MAGI1: variants seen among roughly 807,000 people sequenced by gnomAD.
The protein encoded by MAGI1 is membrane-associated guanylate kinase, WW and PDZ domain-containing protein 1.
MAGI1 carries 58 observed loss-of-function variants against 139.9 expected under a neutral mutation model. The observed-to-expected ratio is 0.41, with a 90% CI of 0.34 to 0.52. MAGI1 has a LOEUF of 0.52. Among genes scored for constraint, MAGI1 ranks in the 20% least tolerant of loss-of-function variants. The pLI is 0.12. For missense variants in MAGI1, 1,874 were observed against 1,901.6 expected, an observed-to-expected ratio of 0.99 and a Z score of 0.27; for synonymous variants, 812 against 737.9, an observed-to-expected ratio of 1.10 and a Z score of -1.63.
intron 2 of MAGI1, among the ~76,000 whole-genome samples, chr3:65,562,583 G>A (rs146806469): frequency 2.0e-5 from 3 of 152,118 alleles, no homozygotes; most frequent in East Asian, 1.9e-4. Flanking sequence ...TGAACTTTTC[G>A]GCTAAAGCAA....
chr3:65,676,421 A>G (rs2087193218), intron 1 of MAGI1, among the ~76,000 whole-genome samples: 2 of 152,356 alleles, frequency 1.3e-5, no homozygotes, highest in East Asian at 1.9e-4. Flanking sequence ...ATTGGAGCAG[A>G]GGCTTTTGGT....
rs377199908 is a variant in MAGI1, at chr3:65,401,469, C to A, written c.2169G>T (p.Gly723=). 1.6e-5 allele frequency: 25 copies of A among 1,611,334 alleles called. No individual in the cohort carries two copies. The South Asian group carries it at 2.0e-4, about 13-fold the overall frequency. The part of the protein sequence containing the change: ...SEVTLLVQRG[G]LPVPKKSPKS... ...TTGGGCTCTTCTTGGGAACTGGCAG[C>A]CCTGGAAAAAATGCAACAAGGAGGG... Residue 723 remains glycine (G), a splice_region_variant and synonymous_variant, in exon 13 of 23, where the codon GGG becomes GGT. Transcript: ENST00000402939.
chr3:65,799,020 G>C (rs993372456), intron 1 of MAGI1, among the ~76,000 whole-genome samples: 2 of 152,132 alleles, frequency 1.3e-5, no homozygotes, highest in African/African-American at 4.8e-5. Context: ...ACCCGAGAGT[G>C]CAAGACTAGT....
At chr3:65,969,292 G>A (rs1489733858) in intron 1 of MAGI1, among the ~76,000 whole-genome samples, 3 of 152,138 alleles carry the variant, frequency 2.0e-5, no homozygotes, top group African/African-American at 4.8e-5. Context: ...CACCGGGAGC[G>A]GAGTTATTTC....
intron 1 of MAGI1, among the ~76,000 whole-genome samples, chr3:65,965,561 G>A (rs929705705): frequency 5.3e-5 from 8 of 152,060 alleles, no homozygotes; most frequent in Non-Finnish European, 1.2e-4. Flanking sequence ...GTAATCTCAA[G>A]AACTGAGAAA....
chr3:65,901,944 C>A (rs2061250794), intron 1 of MAGI1, among the ~76,000 whole-genome samples: 1 of 152,076 alleles, frequency 6.6e-6, no homozygotes, highest in Non-Finnish European at 1.5e-5. Context: ...ACATCATTTT[C>A]ACTACACAAA....
chr3:65,469,899 TTAATA>T (rs1950445296), intron 5 of MAGI1: 1 of 139,968 alleles, frequency 7.1e-6, no homozygotes, highest in Non-Finnish European at 1.5e-5. Flanking sequence ...ATATTTATTT[TTAATA>T]TATTTATTTT....
chr3:65,438,249 C>G (rs771782491), intron 9 of MAGI1, among the ~76,000 whole-genome samples: 6 of 152,090 alleles, frequency 3.9e-5, no homozygotes, highest in Non-Finnish European at 8.8e-5. Flanking sequence ...AACTAGAGAC[C>G]ATTACCTTAA....
At chr3:65,958,470 A>G (rs1475285060) in intron 1 of MAGI1, among the ~76,000 whole-genome samples, 2 of 152,228 alleles carry the variant, frequency 1.3e-5, no homozygotes, top group Non-Finnish European at 2.9e-5. Flanking sequence ...CTGCAATGAC[A>G]AAGTCATTTC....
intron 13 of MAGI1, among the ~76,000 whole-genome samples, chr3:65,391,631 A>G (rs969749575): frequency 6.6e-6 from 1 of 152,200 alleles, no homozygotes; most frequent in Non-Finnish European, 1.5e-5. Flanking sequence ...TATTCATCAC[A>G]GGTTCTCAGC....
At chr3:65,621,827 T>C (rs959129618) in intron 2 of MAGI1, 145 bp downstream of exon 2, 7 of 609,008 alleles carry the variant, frequency 1.1e-5, no homozygotes, top group African/African-American at 1.8e-5. Context: ...TATTGAATTA[T>C]GATTTGCTTG....
At chr3:65,733,693 G>A (rs1249621881) in intron 1 of MAGI1, among the ~76,000 whole-genome samples, 1 of 152,164 alleles carries the variant, frequency 6.6e-6, no homozygotes, top group Non-Finnish European at 1.5e-5. Context: ...TTGGATGTTT[G>A]ATCTTAATCT....
intron 2 of MAGI1, among the ~76,000 whole-genome samples, chr3:65,565,047 A>T (rs554726607): frequency 6.6e-6 from 1 of 152,210 alleles, no homozygotes; most frequent in South Asian, 2.1e-4. Flanking sequence ...TTCCAAACCT[A>T]GATAACACGA....
intron 2 of MAGI1, among the ~76,000 whole-genome samples, chr3:65,506,082 CT>C (rs1299715237): frequency 6.6e-6 from 1 of 152,138 alleles, no homozygotes; most frequent in Non-Finnish European, 1.5e-5. Context: ...ATCTAAAGCT[CT>C]TTCAGAATGG....
At chr3:65,710,269 CTTTTTTTTTTTTTTT>C (rs1175790063) in intron 1 of MAGI1, among the ~76,000 whole-genome samples, 5 of 66,876 alleles carry the variant, frequency 7.5e-5, no homozygotes, top group Admixed American at 5.5e-4. Flanking sequence ...CCTTACATTT[CTTTTTTTTTTTTTTT>C]TTTTTTTTTT....
intron 6 of MAGI1, among the ~76,000 whole-genome samples, chr3:65,449,481 A>G (rs187439109): frequency 4.9e-4 from 74 of 152,288 alleles, no homozygotes; most frequent in Non-Finnish European, 8.1e-4. Context: ...TATCAAAATG[A>G]ACACAATCAG....
chr3:65,587,482 T>TC (rs57831094), intron 2 of MAGI1, among the ~76,000 whole-genome samples: 8,139 of 128,196 alleles, frequency 0.063, 273 homozygotes, highest in East Asian at 0.15. Flanking sequence ...CTTTTTTCTT[T>TC]TTTTTTTTTT....
intron 5 of MAGI1, among the ~76,000 whole-genome samples, 160 bp from the exon 6 acceptor site, chr3:65,453,500 A>C (rs9824280): frequency 3.9e-5 from 6 of 152,124 alleles, no homozygotes; most frequent in African/African-American, 1.2e-4. Context: ...TGAGTTTACA[A>C]TTATAAAATG....
At chr3:65,498,976 A>T in intron 2 of MAGI1, 1 of 984,032 alleles carries the variant, frequency 1.0e-6, no homozygotes, top group Non-Finnish European at 1.2e-6. Flanking sequence ...TGTCCCAAAC[A>T]ACTTCTAGCA....
Sources: allele counts gnomAD v4.1 joint callset (sites outside exome capture counted in the v4.1 genomes callset), GRCh38; gene constraint gnomAD v4.1.1; transcripts MANE v1.5; gene names NCBI Gene and HGNC (gene_info 2026-07-23, HGNC 2026-07-21).